The following FCRL6 variants were observed in gnomAD, a reference collection of about 807,000 sequenced individuals.
FCRL6 encodes the protein Fc receptor like 6, also known as Fc receptor-like protein 6.
In FCRL6, 50 loss-of-function variants were observed where a neutral mutation model predicts 49.1. The ratio of observed to expected loss-of-function variants is 1.02; its 90% CI spans 0.81 to 1.29. FCRL6 has a LOEUF of 1.29. Ranked by LOEUF, FCRL6 falls within the 50% of genes most tolerant of loss-of-function variation. FCRL6 has a pLI of 0.00. For synonymous variants in FCRL6, 213 were observed against 199.6 expected (o/e 1.07, Z -0.57); for missense variants, 571 against 518.5 (o/e 1.10, Z -0.98).
Position 159,806,601 on chromosome 1 carries a change from T to G in FCRL6, c.37T>G (p.Cys13Gly), listed in dbSNP as rs755197300. The G allele has an allele frequency of 1.2e-6, 2 of 1,613,758 alleles. No individual in the cohort carries two copies. The highest frequency in any genetic ancestry group is 3.3e-5 in the Admixed American group (2 of 60,036). The change falls in exon 2 of 10, where the codon TGT (cysteine) becomes GGT (glycine). Residue 13 changes from cysteine (C) to glycine (G), a missense_variant. Transcript: ENST00000368106. ...GTTACTTTGTTCTCTTGCAGTTCCC[T>G]GTGTTGGGAAAACTGGTAAGTTGTG... ...LWTAVLLFVP[C>G]VGKTVWLYLQ...
At chr1:159,805,463 C>T (rs1157180862) in intron 1 of FCRL6, among the ~76,000 whole-genome samples, 6 of 152,162 alleles carry the variant, frequency 3.9e-5, no homozygotes, top group Non-Finnish European at 8.8e-5. Flanking sequence ...CTCAGCCCTA[C>T]ATTCATTCAT....
intron 2 of FCRL6, 141 bp downstream of exon 2, chr1:159,806,757 G>C (rs113613160): frequency 6.9e-6 from 6 of 865,300 alleles, no homozygotes; most frequent in African/African-American, 1.7e-5. Context: ...CAGGAGTCTT[G>C]GCCAGTTCCT....
In FCRL6 at chr1:159,808,863, G is replaced by A. The variant is rs1433238312; in HGVS notation, c.320-98G>A. Reference sequence around the variant, plus strand: ...GAAACTGCCTCCCATCGGGGTCCCCGGGCTGCAGCCTGAGATGAGTAGAAG... The same window carrying A: ...GAAACTGCCTCCCATCGGGGTCCCCAGGCTGCAGCCTGAGATGAGTAGAAG... On this transcript the variant is annotated intron_variant, in intron 3 of 9. Transcript: ENST00000368106. The A allele has an allele frequency of 5.0e-5, 66 of 1,331,672 alleles. 1 individual carries two copies. The highest frequency in any genetic ancestry group is 1.9e-4 in the South Asian group (13 of 67,262). The allele number at this position is 1,331,672 out of a possible 1,614,324, so 82.5% of individuals were successfully genotyped here.
intron 5 of FCRL6, 76 bp downstream of exon 5, chr1:159,809,759 C>A: frequency 7.7e-7 from 1 of 1,306,362 alleles, no homozygotes; most frequent in Non-Finnish European, 1.1e-6. Flanking sequence ...TGTGTACCTC[C>A]CATCACGACT....
At position 159,815,651 on chromosome 1, in the gene FCRL6, T is replaced by A; in HGVS notation, c.1295T>A (p.Val432Asp). Residue 432 changes from valine to aspartate, a missense_variant, in exon 10 of 10, where the codon GTT (valine) becomes GAT (aspartate). Val to Asp is a radical substitution (Grantham distance 152). Transcript: ENST00000368106. Reference protein sequence around the residue: ...LQEPLSDCEEVLC With the variant: ...LQEPLSDCEEDLC ...GAACCCCTTAGCGACTGTGAGGAGG[T>A]TCTCTGCTAGTGATGGTGTTCTCCT... 6.2e-7 allele frequency: 1 copy of A among 1,613,798 alleles called. No homozygotes were observed. Among genetic ancestry groups the A allele is most frequent in the Non-Finnish European group, 8.5e-7 (1 of 1,179,946 alleles).
intron 2 of FCRL6, among the ~76,000 whole-genome samples, chr1:159,807,695 C>T (rs907592466): frequency 6.6e-6 from 1 of 152,120 alleles, no homozygotes; most frequent in Non-Finnish European, 1.5e-5. Context: ...GACACAGATG[C>T]TGCTATTATC....
At chr1:159,815,041 G>C (rs1244877942) in intron 8 of FCRL6, among the ~76,000 whole-genome samples, 1 of 152,242 alleles carries the variant, frequency 6.6e-6, no homozygotes, top group African/African-American at 2.4e-5. Context: ...ACATGTAATA[G>C]ATGTTCAAAA....
In FCRL6 at chr1:159,810,114, C is replaced by T. The variant is rs374234925; in HGVS notation, c.907C>T (p.Pro303Ser). Residue 303 changes from proline to serine, a missense_variant, in exon 6 of 10, where the codon CCC (proline) becomes TCC (serine). Pro to Ser is a moderately conservative substitution (Grantham distance 74, BLOSUM62 -1). Transcript: ENST00000368106. ...SLKGSQVLFT[P>S]ASNWLVPWLP... ...CCCAGGTTCTCAAGTCTTGTTCACT[C>T]CCGCCAGCAACTGGCTGGTTCCTTG... 1.9e-6 allele frequency: 3 copies of T among 1,613,482 alleles called. No homozygotes were observed. The highest frequency in any genetic ancestry group is 1.7e-6 in the Non-Finnish European group (2 of 1,179,792).
At chr1:159,806,701 TC>T (rs1232522927) in intron 2 of FCRL6, 85 bp downstream of exon 2, 2 of 1,381,120 alleles carry the variant, frequency 1.4e-6, no homozygotes, top group Admixed American at 1.7e-5. Context: ...TGCCATGGGG[TC>T]CCCCAGAAAC....
At chr1:159,801,637 C>T (rs1476423417), upstream of FCRL6, among the ~76,000 whole-genome samples, 1 of 152,158 alleles carries the variant, frequency 6.6e-6, no homozygotes, top group African/African-American at 2.4e-5. Flanking sequence ...GCCCATTTTT[C>T]TAGTATGTTG....
intron 2 of FCRL6, among the ~76,000 whole-genome samples, 196 bp from the exon 3 acceptor site, chr1:159,807,982 G>A (rs1197039547): frequency 6.6e-6 from 1 of 151,848 alleles, no homozygotes; most frequent in African/African-American, 2.4e-5. Flanking sequence ...AGAGAAGAAG[G>A]AAAGGAAGGA....
intron 8 of FCRL6, 82 bp from the exon 9 acceptor site, chr1:159,815,346 A>T: frequency 6.8e-7 from 1 of 1,477,658 alleles, no homozygotes; most frequent in African/African-American, 1.4e-5. Context: ...CTAGAGGAAG[A>T]TAGCCAGCCA....
At chr1:159,814,351 G>A (rs61821659) in intron 8 of FCRL6, 59 bp downstream of exon 8, 150,576 of 1,280,488 alleles carry the variant, frequency 0.12, 10,239 homozygotes, top group Non-Finnish European at 0.14. Context: ...GACCTACAAT[G>A]AGAGTATCAC....
At chr1:159,811,013 C>G (rs574993076) in intron 6 of FCRL6, among the ~76,000 whole-genome samples, 1 of 152,308 alleles carries the variant, frequency 6.6e-6, no homozygotes, top group African/African-American at 2.4e-5. Context: ...TGTGCATTCT[C>G]TAATGCTTCT....
Position 159,809,399 on chromosome 1 carries a change from C to T in FCRL6, c.605-3C>T. On this transcript the variant is annotated splice_polypyrimidine_tract_variant and splice_region_variant and intron_variant, in intron 4 of 9. Coordinates refer to ENST00000368106, the MANE Select transcript of FCRL6 (RefSeq NM_001004310.3). ...TGAGCCTCCCACCCCATGTGTGTCC[C>T]AGCTCCTGTATCCCGTCCTGTGCTC... is the stretch of plus-strand genomic sequence containing the variant. 1 of 1,587,118 alleles carries T rather than the reference C, an allele frequency of 6.3e-7. No individual in the cohort carries two copies. The highest frequency in any genetic ancestry group is 8.6e-7 in the Non-Finnish European group (1 of 1,164,324).
chr1:159,811,846 C>T (rs1451057845), intron 6 of FCRL6, among the ~76,000 whole-genome samples: 4 of 152,164 alleles, frequency 2.6e-5, no homozygotes, highest in African/African-American at 9.7e-5. Flanking sequence ...CTAATAAATC[C>T]TCCTCCAAAG....
At chr1:159,808,747 G>C (rs1662880142) in intron 3 of FCRL6, 3 of 614,686 alleles carry the variant, frequency 4.9e-6, no homozygotes, top group Non-Finnish European at 8.5e-6. Flanking sequence ...GGCCCCCTCT[G>C]CCTCTGACTT....
chr1:159,806,530 C>G (rs1005347757), intron 1 of FCRL6, 66 bp from the exon 2 acceptor site: 55 of 1,444,590 alleles, frequency 3.8e-5, no homozygotes, highest in Admixed American at 5.0e-5. Flanking sequence ...GCTGAAGTGA[C>G]AGGCCTCCTT....
At chr1:159,804,116 G>A (rs777604375) in intron 1 of FCRL6, among the ~76,000 whole-genome samples, 5 of 152,130 alleles carry the variant, frequency 3.3e-5, no homozygotes, top group African/African-American at 4.8e-5. Flanking sequence ...GCTGCTCCCC[G>A]CATTCTCACA....
Sources: allele counts gnomAD v4.1 joint callset (sites outside exome capture counted in the v4.1 genomes callset), GRCh38; gene constraint gnomAD v4.1.1; transcripts MANE v1.5; gene names NCBI Gene and HGNC (gene_info 2026-07-23, HGNC 2026-07-21).